Variants in DOCK11 observed in about 807,000 individuals in gnomAD.
DOCK11 encodes dedicator of cytokinesis protein 11.
DOCK11 carries 70 observed loss-of-function variants against 169.1 expected under a neutral mutation model. The ratio of observed to expected loss-of-function variants is 0.41; its 90% CI spans 0.34 to 0.51. The LOEUF (loss-of-function observed/expected upper bound fraction) is 0.51, where lower values mean the gene tolerates loss of function less well. Ranked by LOEUF, DOCK11 falls within the 20% of genes least tolerant of loss-of-function variation. The probability of loss-of-function intolerance (pLI) is 0.10; values close to 1 mark genes in which losing one functional copy is unlikely to be tolerated. For synonymous variants in DOCK11, 529 were observed against 541.3 expected (o/e 0.98, Z 0.32); for missense variants, 1,166 against 1,538.8 (o/e 0.76, Z 4.05).
Position 118,593,893 on chromosome X carries a change from C to A in DOCK11, c.2263+556C>A, listed in dbSNP as rs374918141. On this transcript the variant is annotated intron_variant, in intron 20 of 52. Transcript: ENST00000276202. ...CCAAATATCATTGTCCATATGCTTG[C>A]CAATGTGCTTAGACTACTATAAGCA... Among the ~76,000 whole-genome samples, 4 of 112,118 alleles carry A rather than the reference C, an allele frequency of 3.6e-5. No homozygotes were observed. In the East Asian group the frequency reaches 1.1e-3, roughly 31 times the overall value.
At chrX:118,630,342 GTACTGA>G (rs2015205630) in intron 34 of DOCK11, 31 bp from the exon 35 acceptor site, 1 of 920,442 alleles carries the variant, frequency 1.1e-6, no homozygotes, top group Non-Finnish European at 1.6e-6. Context: ...GTGGAAAATT[GTACTGA>G]TACTATTTCA....
intron 24 of DOCK11, among the ~76,000 whole-genome samples, chrX:118,606,633 T>G (rs964318283): frequency 1.8e-5 from 2 of 112,324 alleles, no homozygotes; most frequent in African/African-American, 3.2e-5. Flanking sequence ...CTGCCTCTGC[T>G]GTTGCCACAA....
chrX:118,516,624 G>T (rs755120876), intron 1 of DOCK11, among the ~76,000 whole-genome samples: 3 of 108,541 alleles, frequency 2.8e-5, no homozygotes, highest in Non-Finnish European at 5.7e-5. Flanking sequence ...TAGTAGAGAT[G>T]GGGTTTCGCC....
At chrX:118,556,332 G>A (rs1342819050) in intron 6 of DOCK11, among the ~76,000 whole-genome samples, 3 of 108,772 alleles carry the variant, frequency 2.8e-5, no homozygotes, top group Non-Finnish European at 5.7e-5. Flanking sequence ...GATGTGAGCC[G>A]CCACCCCCAG....
chrX:118,584,659 G>A (rs779289829), intron 14 of DOCK11, 76 bp from the exon 15 acceptor site: 5 of 971,950 alleles, frequency 5.1e-6, no homozygotes, highest in Non-Finnish European at 6.8e-6. Flanking sequence ...TTTACATCCC[G>A]ACCATTGCTA....
chrX:118,648,004 T>TTATA lies in DOCK11; in HGVS notation c.4399-940_4399-937dup, dbSNP rs1556331639. On this transcript the variant is annotated intron_variant, in intron 40 of 52. Coordinates refer to ENST00000276202, the MANE Select transcript of DOCK11 (RefSeq NM_144658.4). ...ATATATAATAATATATAATATATTA[T>TTATA]TATAATATATAATATAAATTATAAT... Among the ~76,000 whole-genome samples, 35 of 40,902 alleles carry TTATA rather than the reference T, an allele frequency of 8.6e-4. 1 individual carries two copies. The highest frequency in any genetic ancestry group is 2.1e-3 in the African/African-American group (20 of 9,629). The allele number at this position is 40,902 out of a possible 115,157, so 35.5% of individuals were successfully genotyped here. A position where few individuals can be genotyped will look rare whatever the true frequency, so the allele number is the denominator to read the frequency against.
At chrX:118,673,461 G>A (rs1164391260) in intron 46 of DOCK11, among the ~76,000 whole-genome samples, 1 of 111,469 alleles carries the variant, frequency 9.0e-6, no homozygotes, top group Non-Finnish European at 1.9e-5. Context: ...TACAGAACAA[G>A]ATCCAATCTC....
At chrX:118,619,497 A>AAAAT (rs1556312710) in intron 31 of DOCK11, among the ~76,000 whole-genome samples, 4 of 90,854 alleles carry the variant, frequency 4.4e-5, no homozygotes, top group Non-Finnish European at 6.3e-5. Flanking sequence ...AAAAAAAAAA[A>AAAAT]ATATATATAT....
chrX:118,613,871 T>A (rs377129042), intron 28 of DOCK11, among the ~76,000 whole-genome samples: 11 of 112,349 alleles, frequency 9.8e-5, no homozygotes, highest in African/African-American at 3.6e-4. Context: ...TCAAAGAAAG[T>A]CAATGAGATC....
chrX:118,679,847 T>C (rs1009120998), intron 48 of DOCK11, among the ~76,000 whole-genome samples: 3 of 108,954 alleles, frequency 2.8e-5, no homozygotes, highest in Admixed American at 9.9e-5. Flanking sequence ...TACATAGGCA[T>C]AGAAGAAAGA....
chrX:118,515,377 G>T lies in DOCK11; in HGVS notation c.102+19304G>T, dbSNP rs182918251. ...GCCTCCCGAGTAGCTGGGATTACAG[G>T]CATGCACCACCATGCCTGGCTAATT... On this transcript the variant is annotated intron_variant, in intron 1 of 52. Coordinates refer to ENST00000276202, the MANE Select transcript of DOCK11 (RefSeq NM_144658.4). Among the ~76,000 whole-genome samples the T allele has an allele frequency of 2.0e-4, 22 of 111,490 alleles. No individual in the cohort carries two copies. The East Asian group carries it at 5.9e-3, about 30-fold the overall frequency.
intron 1 of DOCK11, among the ~76,000 whole-genome samples, chrX:118,496,585 G>A (rs2057539453): frequency 8.9e-6 from 1 of 112,494 alleles, no homozygotes; most frequent in Non-Finnish European, 1.9e-5. Context: ...AGCCCCGGGC[G>A]CCCAAGCTCG....
At chrX:118,619,674 TTTC>T (rs755033405) in intron 31 of DOCK11, among the ~76,000 whole-genome samples, 107 of 109,161 alleles carry the variant, frequency 9.8e-4, no homozygotes, top group East Asian at 6.8e-3. Flanking sequence ...GTAATAAGTT[TTTC>T]TTCTTACTGA....
At chrX:118,662,908 C>G in intron 45 of DOCK11, 116 bp downstream of exon 45, 1 of 499,676 alleles carries the variant, frequency 2.0e-6, no homozygotes, top group African/African-American at 2.4e-5. Context: ...GGTTAATGAA[C>G]TTTAAGTATT....
chrX:118,609,464 T>C (rs945457933), intron 27 of DOCK11, 115 bp downstream of exon 27: 12 of 514,237 alleles, frequency 2.3e-5, no homozygotes, highest in Admixed American at 1.9e-4. Context: ...AGCCATGCCA[T>C]GCAAATCCCA....
intron 40 of DOCK11, among the ~76,000 whole-genome samples, chrX:118,647,918 T>TATATAATAAATAATATATTATAATATA (rs1569440855): frequency 5.9e-5 from 3 of 50,745 alleles, no homozygotes; most frequent in African/African-American, 2.0e-4. Flanking sequence ...ATTATAATAT[T>TATATAATAAATAATATATTATAATATA]ATATATAATA....
intron 44 of DOCK11, among the ~76,000 whole-genome samples, chrX:118,658,181 G>A (rs1035030066): frequency 3.6e-5 from 4 of 112,075 alleles, no homozygotes; most frequent in African/African-American, 1.3e-4. Context: ...CTATCATTAA[G>A]TGCCCTTTGA....
chrX:118,614,912 G>A (rs1026942261), intron 29 of DOCK11, 137 bp downstream of exon 29: 39 of 476,515 alleles, frequency 8.2e-5, no homozygotes, highest in Non-Finnish European at 1.3e-4. Context: ...GTAAAAGCAA[G>A]GAATACTGGA....
chrX:118,506,461 T>C (rs2057613071), intron 1 of DOCK11, among the ~76,000 whole-genome samples: 1 of 109,803 alleles, frequency 9.1e-6, no homozygotes, highest in Admixed American at 9.7e-5. Flanking sequence ...AGGTCAGGAG[T>C]TTGAGATCAG....
Sources: gnomAD v4.1 joint callset for allele counts (sites outside exome capture counted in the v4.1 genomes callset) on GRCh38, gnomAD v4.1.1 for gene constraint, MANE v1.5 for transcripts, NCBI Gene and HGNC (gene_info 2026-07-23, HGNC 2026-07-21) for gene names.